Variants in ITCH observed in about 807,000 individuals in gnomAD.
The protein encoded by ITCH is itchy E3 ubiquitin protein ligase.
In ITCH, 28 loss-of-function variants were observed where a neutral mutation model predicts 126.8. That is an observed-to-expected ratio of 0.22 (90% CI 0.16 to 0.30). The LOEUF is 0.30. Ranked by LOEUF, ITCH falls within the 10% of genes least tolerant of loss-of-function variation. The probability of loss-of-function intolerance (pLI) is 1.00; values close to 1 mark genes in which losing one functional copy is unlikely to be tolerated. For synonymous variants in ITCH, 342 were observed against 340.0 expected (o/e 1.01, Z -0.06); for missense variants, 631 against 1,032.4 (o/e 0.61, Z 5.33).
intron 7 of ITCH, among the ~76,000 whole-genome samples, chr20:34,434,436 G>T (rs997698512): frequency 1.3e-5 from 2 of 152,232 alleles, no homozygotes; most frequent in East Asian, 3.8e-4. Flanking sequence ...TTGGGTGCTT[G>T]ATTATATTTG....
At chr20:34,483,792 A>G (rs761389667) in intron 20 of ITCH, among the ~76,000 whole-genome samples, 3 of 152,202 alleles carry the variant, frequency 2.0e-5, no homozygotes, top group Non-Finnish European at 4.4e-5. Flanking sequence ...ACTCCTGGTA[A>G]CAATTTACTG....
chr20:34,488,271 CT>C lies in ITCH; in HGVS notation c.2094-992del, dbSNP rs141101466. ...TTTCTCAGCTTTTATATGAAAACAT[CT>C]TTATTTCACCTTCATTTTTTGAAGG... On this transcript the variant is annotated intron_variant, in intron 20 of 24. Coordinates refer to ENST00000374864, the MANE Select transcript of ITCH (RefSeq NM_031483.7). Among the ~76,000 whole-genome samples the C allele has an allele frequency of 5.8e-4, 88 of 151,380 alleles. 1 individual carries two copies. In the East Asian group the frequency reaches 0.015, roughly 25 times the overall value.
intron 7 of ITCH, among the ~76,000 whole-genome samples, chr20:34,432,432 A>G (rs1293743239): frequency 2.0e-5 from 3 of 152,208 alleles, no homozygotes; most frequent in African/African-American, 7.2e-5. Context: ...TTCCCTTGTA[A>G]TAGATAAATG....
chr20:34,427,084 G>A (rs1272709281), intron 7 of ITCH, among the ~76,000 whole-genome samples: 1 of 152,100 alleles, frequency 6.6e-6, no homozygotes, highest in African/African-American at 2.4e-5. Flanking sequence ...AATATATGAA[G>A]GTTTTCATAA....
rs371960769 is a variant in ITCH at position 34,445,511 on chromosome 20, C to G, written c.1140+50C>G. The G allele has an allele frequency of 1.8e-5, 28 of 1,565,522 alleles. No homozygotes were observed. In the African/African-American group the frequency reaches 3.6e-4, roughly 20 times the overall value. On this transcript the variant is annotated intron_variant, in intron 11 of 24. Transcript: ENST00000374864. ...CTAATAAGAGTATTTTGTTTCTAGCCCCTTCCAGCATATGTCATGGAAAGC... is the reference window on the plus strand; with the variant it reads ...CTAATAAGAGTATTTTGTTTCTAGCGCCTTCCAGCATATGTCATGGAAAGC...
chr20:34,493,296 T>C (rs1236435074), intron 23 of ITCH, among the ~76,000 whole-genome samples: 1 of 152,076 alleles, frequency 6.6e-6, no homozygotes, highest in Non-Finnish European at 1.5e-5. Context: ...ATGGAACCAG[T>C]TTAGAAAGTA....
At chr20:34,438,401 T>A (rs1983306081) in intron 7 of ITCH, 73 bp from the exon 8 acceptor site, 1 of 1,499,422 alleles carries the variant, frequency 6.7e-7, no homozygotes, top group South Asian at 1.1e-5. Flanking sequence ...ATCCTCCTGC[T>A]GTTTTTTTTC....
chr20:34,499,846 T>C (rs182070475), intron 23 of ITCH, among the ~76,000 whole-genome samples: 148 of 152,288 alleles, frequency 9.7e-4, no homozygotes, highest in Non-Finnish European at 1.8e-3. Context: ...CCTTTTAATA[T>C]TGGTTTTGCT....
At chr20:34,427,523 A>G (rs1222817388) in intron 7 of ITCH, among the ~76,000 whole-genome samples, 2 of 152,116 alleles carry the variant, frequency 1.3e-5, no homozygotes, top group Non-Finnish European at 2.9e-5. Context: ...AGGGTGCCCA[A>G]AGTGGGAGGA....
intron 2 of ITCH, 25 bp from the exon 3 acceptor site, chr20:34,393,766 A>G (rs749999248): frequency 7.5e-7 from 1 of 1,336,494 alleles, no homozygotes; most frequent in African/African-American, 1.4e-5. Context: ...TTTGATGTTT[A>G]CAGTGTCTCC....
At chr20:34,422,252 A>G (rs1980878059) in intron 6 of ITCH, among the ~76,000 whole-genome samples, 1 of 152,228 alleles carries the variant, frequency 6.6e-6, no homozygotes, top group Non-Finnish European at 1.5e-5. Context: ...AGTACATGAT[A>G]AAGCTAGGAT....
intron 2 of ITCH, among the ~76,000 whole-genome samples, chr20:34,377,616 C>G (rs1418473566): frequency 6.6e-6 from 1 of 152,068 alleles, no homozygotes; most frequent in Non-Finnish European, 1.5e-5. Flanking sequence ...GTAATCCCAG[C>G]ACTTTGAGAG....
At chr20:34,382,488 C>T (rs1317310095) in intron 2 of ITCH, among the ~76,000 whole-genome samples, 1 of 151,948 alleles carries the variant, frequency 6.6e-6, no homozygotes, top group Non-Finnish European at 1.5e-5. Flanking sequence ...CATACTGCAA[C>T]CTCTGCCTCC....
At chr20:34,391,341 C>T (rs2038485373) in intron 2 of ITCH, among the ~76,000 whole-genome samples, 1 of 152,094 alleles carries the variant, frequency 6.6e-6, no homozygotes, top group East Asian at 1.9e-4. Context: ...TATTTGTACC[C>T]ATAGGAATAT....
chr20:34,438,397 C>A, intron 7 of ITCH, 77 bp from the exon 8 acceptor site: 1 of 1,484,682 alleles, frequency 6.7e-7, no homozygotes, highest in Admixed American at 1.7e-5. Context: ...TTTCATCCTC[C>A]TGCTGTTTTT....
intron 14 of ITCH, 99 bp from the exon 15 acceptor site, chr20:34,469,949 G>T: frequency 1.1e-6 from 1 of 874,914 alleles, no homozygotes; most frequent in South Asian, 1.3e-5. Context: ...TTTGAATTTG[G>T]TTAGTAAGTG....
intron 3 of ITCH, among the ~76,000 whole-genome samples, chr20:34,406,691 C>A (rs529611652): frequency 6.6e-6 from 1 of 152,054 alleles, no homozygotes; most frequent in Admixed American, 6.5e-5. Flanking sequence ...CTCGCCACCA[C>A]GCCCGGCTAA....
At chr20:34,420,190 A>G (rs181838465) in intron 6 of ITCH, among the ~76,000 whole-genome samples, 19 of 152,264 alleles carry the variant, frequency 1.2e-4, no homozygotes, top group African/African-American at 2.4e-4. Flanking sequence ...CACATCCACC[A>G]TCTGTCTCTA....
intron 20 of ITCH, among the ~76,000 whole-genome samples, chr20:34,484,495 A>G (rs1988974426): frequency 6.6e-6 from 1 of 152,182 alleles, no homozygotes; most frequent in Admixed American, 6.5e-5. Flanking sequence ...TTTTTTTGTT[A>G]TGATATGTCT....
Sources: gnomAD v4.1 joint callset for allele counts (sites outside exome capture counted in the v4.1 genomes callset) on GRCh38, gnomAD v4.1.1 for gene constraint, MANE v1.5 for transcripts, NCBI Gene and HGNC (gene_info 2026-07-23, HGNC 2026-07-21) for gene names.